The following LAMA5 variants were observed in gnomAD, a reference collection of about 807,000 sequenced individuals.
LAMA5 encodes laminin subunit alpha 5.
Under a neutral mutation model 433.4 loss-of-function variants are expected in LAMA5, and 260 were observed. The ratio of observed to expected loss-of-function variants is 0.60; its 90% CI spans 0.54 to 0.66. The LOEUF is 0.66. Among genes scored for constraint, LAMA5 ranks in the 30% least tolerant of loss-of-function variants. The pLI, the probability that LAMA5 is intolerant of heterozygous loss-of-function variation, is 0.00. For synonymous variants in LAMA5, 2,620 were observed against 2,226.6 expected (o/e 1.18, Z -4.97); for missense variants, 5,378 against 5,258.5 (o/e 1.02, Z -0.70).
At chr20:62,342,809 A>G (rs1301538448) in intron 11 of LAMA5, among the ~76,000 whole-genome samples, 1 of 152,268 alleles carries the variant, frequency 6.6e-6, no homozygotes, top group Non-Finnish European at 1.5e-5. Context: ...GGAGCATAAA[A>G]AAGTGTGGAT....
At chr20:62,311,825 T>TCCCCCCCCCCC in intron 70 of LAMA5, 41 bp from the exon 71 acceptor site, 1 of 308,312 alleles carries the variant, frequency 3.2e-6, no homozygotes, top group Non-Finnish European at 6.0e-6. Context: ...TTCCCCACCC[T>TCCCCCCCCCCC]GCCCACCCCC....
At chr20:62,321,582 GGGGT>G (rs1316216112) in intron 48 of LAMA5, among the ~76,000 whole-genome samples, 45 of 63,688 alleles carry the variant, frequency 7.1e-4, no homozygotes, top group Non-Finnish European at 1.2e-3. Flanking sequence ...GGCCTGTGGA[GGGGT>G]GGGGCCAGTG....
At chr20:62,358,617 C>T (rs1985590398) in intron 2 of LAMA5, among the ~76,000 whole-genome samples, 1 of 152,102 alleles carries the variant, frequency 6.6e-6, no homozygotes, top group Non-Finnish European at 1.5e-5. Context: ...GGGCCTCCGG[C>T]AGGTCCTCCT....
intron 5 of LAMA5, 22 bp downstream of exon 5, chr20:62,351,887 G>T: frequency 6.3e-7 from 1 of 1,575,082 alleles, no homozygotes; most frequent in South Asian, 1.2e-5. Flanking sequence ...CCCCTCCCCC[G>T]CCTGCGCCAT....
rs77850827 is a variant in LAMA5 at position 62,309,991 on chromosome 20, C to A, written c.10825G>T (p.Ala3609Ser). 426 of 1,610,386 alleles carry A rather than the reference C, an allele frequency of 2.6e-4. 1 individual carries two copies. The East Asian group carries it at 8.8e-3, about 33-fold the overall frequency. ...CTGGCCACAGGAGGGGCCTCACCCG[C>A]TAGCCGGTGCCACTGGCCATCACAC... ...VLCDGQWHRL[A>S]VMKSGNVLRL... The change falls in exon 78 of 80, where the codon GCG becomes TCG. Residue 3609 changes from alanine to serine, a missense_variant. Coordinates refer to ENST00000252999, the MANE Select transcript of LAMA5 (RefSeq NM_005560.6).
intron 7 of LAMA5, 45 bp from the exon 8 acceptor site, chr20:62,346,845 C>G (rs193147519): frequency 1.9e-6 from 3 of 1,606,508 alleles, no homozygotes; most frequent in African/African-American, 1.3e-5. Flanking sequence ...TCCACAGGCC[C>G]GGGCACCGGG....
Position 62,367,101 on chromosome 20 carries a change from AG to A in LAMA5, c.144del (p.Tyr49ThrfsTer37). 1 of 1,277,718 alleles carries A rather than the reference AG, an allele frequency of 7.8e-7. No homozygotes were observed. The allele number at this position is 1,277,718 out of a possible 1,614,324, so 79.1% of individuals were successfully genotyped here. ...EAGGGFSLHPPYFNLAEGARI... is the reference protein window; with the variant it reads ...EAGGGFSLHPXYFNLAEGARI... ...CGGGCGCCCTCGGCCAGGTTGAAGT[AG>A]GGCGGGTGCAGGCTGAAGCCGCCGC... is the stretch of plus-strand genomic sequence containing the variant. On this transcript the variant is annotated frameshift_variant, in exon 1 of 80. Transcript: ENST00000252999. LOFTEE classifies it high-confidence loss of function.
intron 44 of LAMA5, 49 bp downstream of exon 44, chr20:62,323,727 C>G (rs921645328): frequency 3.0e-5 from 48 of 1,596,962 alleles, no homozygotes; most frequent in Non-Finnish European, 4.1e-5. Context: ...CCTCGCATAT[C>G]CTGGGGTCAG....
chr20:62,315,023 C>G lies in LAMA5; in HGVS notation c.8047+5G>C, dbSNP rs188632992. 1 of 1,586,720 alleles carries G rather than the reference C, an allele frequency of 6.3e-7. No homozygotes were observed. Among genetic ancestry groups the G allele is most frequent in the Non-Finnish European group, 8.5e-7 (1 of 1,172,240 alleles). ...TCAGGGGCACCGCGAGGGCCATGGG[C>G]GCACCTGAGTGGCCTGCGTCAAGCA... On this transcript the variant is annotated splice_donor_5th_base_variant and intron_variant, in intron 59 of 79. Coordinates refer to ENST00000252999, the MANE Select transcript of LAMA5 (RefSeq NM_005560.6).
Position 62,318,992 on chromosome 20 carries a change from T to G in LAMA5, c.6893A>C (p.His2298Pro). The G allele has an allele frequency of 1.3e-6, 2 of 1,588,354 alleles. No individual in the cohort carries two copies. The highest frequency in any genetic ancestry group is 1.7e-6 in the Non-Finnish European group (2 of 1,169,806). Residue 2298 changes from histidine (H) to proline (P), a missense_variant, in exon 52 of 80, where the codon CAC (histidine) becomes CCC (proline). His to Pro is a moderately conservative substitution (Grantham distance 77, BLOSUM62 -2). Transcript: ENST00000252999. ...AGCCGAGGCATTGGCCAGCCCCAGG[T>G]GGCCCGTCTGGGACATGAGCTCTGT... ...TLSELMSQTGHLGLANASAPS... is the reference protein window; with the variant it reads ...TLSELMSQTGPLGLANASAPS...
At position 62,309,273 on chromosome 20, in the gene LAMA5, G is replaced by T. The variant is rs1025411619; in HGVS notation, c.*63C>A. On this transcript the variant is annotated 3_prime_UTR_variant, in exon 80 of 80. Transcript: ENST00000252999. ...GAGTCCAAATAGACACCTATGAGGC[G>T]AGCACAAGGGGCGGTGTGAGGCAGC... The T allele has an allele frequency of 1.1e-4, 174 of 1,534,122 alleles. 1 individual carries two copies. Among genetic ancestry groups the T allele is most frequent in the Non-Finnish European group, 1.5e-4 (165 of 1,135,578 alleles).
At position 62,359,743 on chromosome 20, in the gene LAMA5, G is replaced by A. The variant is rs1019919535; in HGVS notation, c.450+2657C>T. 1.3e-5 allele frequency among the ~76,000 whole-genome samples: 2 copies of A among 152,010 alleles called. No homozygotes were observed. The highest frequency in any genetic ancestry group is 2.9e-5 in the Non-Finnish European group (2 of 67,958). The stretch of plus-strand genomic sequence containing the variant: ...GGGCGCAGCGGGACCCAGGCCAGGA[G>A]CCCAGCTGGCACTCCCGGGGGCCCA... On this transcript the variant is annotated intron_variant, in intron 2 of 79. Coordinates refer to ENST00000252999, the MANE Select transcript of LAMA5 (RefSeq NM_005560.6). The surrounding 1 kb of genome is among the most constrained non-coding windows in gnomAD (Gnocchi z 4.3).
At chr20:62,320,431 C>A in intron 50 of LAMA5, 128 bp downstream of exon 50, 1 of 678,284 alleles carries the variant, frequency 1.5e-6, no homozygotes, top group Non-Finnish European at 2.5e-6. Flanking sequence ...CTAAGACTCT[C>A]GAGCTCCTGT....
chr20:62,352,363 G>A lies in LAMA5; in HGVS notation c.569-3C>T. ...CTCCAGACAGTCCCTCTTGGAGGCT[G>A]CGGGGAATGGCGGGAGGGGAGGGCG... On this transcript the variant is annotated splice_region_variant and splice_polypyrimidine_tract_variant and intron_variant, in intron 3 of 79. Coordinates refer to ENST00000252999, the MANE Select transcript of LAMA5 (RefSeq NM_005560.6). 6.3e-7 allele frequency: 1 copy of A among 1,593,762 alleles called. No individual in the cohort carries two copies. The highest frequency in any genetic ancestry group is 1.1e-5 in the South Asian group (1 of 90,810).
chr20:62,337,859 T>C lies in LAMA5; in HGVS notation c.1971A>G (p.Thr657=). The C allele has an allele frequency of 6.2e-7, 1 of 1,612,692 alleles. No individual in the cohort carries two copies. The highest frequency in any genetic ancestry group is 8.5e-7 in the Non-Finnish European group (1 of 1,179,930). Residue 657 remains threonine (T), a synonymous_variant, in exon 15 of 80, where the codon ACA becomes ACG. Transcript: ENST00000252999. ...GGCTGCATTCCTGGCAGGCAGTGCC[T>C]GTGTAGCCGGGGCGGCAGCGGCACA... ...GGLCRCRPGY[T]GTACQECSPG...
chr20:62,346,130 C>T lies in LAMA5; in HGVS notation c.1368G>A (p.Glu456=), dbSNP rs1983325105. The T allele has an allele frequency of 2.5e-6, 4 of 1,612,986 alleles. No individual in the cohort carries two copies. The highest frequency in any genetic ancestry group is 1.7e-5 in the Admixed American group (1 of 60,004). ...AGCCCTCGGCACACACGTCACACCG[C>T]TCCCCAGAGAAGTTGGGCCGGCAGT... The part of the protein sequence containing the change: ...RCYCRPNFSG[E]RCDVCAEGFT... The change falls in exon 10 of 80, where the codon GAG becomes GAA. Residue 456 remains glutamate, a synonymous_variant. Coordinates refer to ENST00000252999, the MANE Select transcript of LAMA5 (RefSeq NM_005560.6).
chr20:62,340,302 TTTG>T (rs1982379814), intron 11 of LAMA5, among the ~76,000 whole-genome samples: 1 of 92,616 alleles, frequency 1.1e-5, no homozygotes, highest in Non-Finnish European at 2.5e-5. Flanking sequence ...ACAAGCCTCC[TTTG>T]TTTTTTTTTT....
At position 62,310,945 on chromosome 20, in the gene LAMA5, C is replaced by T. The variant is rs150860855; in HGVS notation, c.10238G>A (p.Arg3413His). ...AQMEGLGTRLRAQSRQRSRPG... is the reference protein window; with the variant it reads ...AQMEGLGTRLHAQSRQRSRPG... ...CCGGGAGCGCTGGCGGCTCTGGGCGCGGAGCCGAGTCCCGAGGCCTTCCAT... is the reference window on the plus strand; with the variant it reads ...CCGGGAGCGCTGGCGGCTCTGGGCGTGGAGCCGAGTCCCGAGGCCTTCCAT... The change falls in exon 74 of 80, where the codon CGC becomes CAC. Residue 3413 changes from arginine (R) to histidine (H), a missense_variant. Arg to His is a conservative substitution (Grantham distance 29). Coordinates refer to ENST00000252999, the MANE Select transcript of LAMA5 (RefSeq NM_005560.6). 2.5e-4 allele frequency: 397 copies of T among 1,611,160 alleles called. No individual in the cohort carries two copies. In the African/African-American group the frequency reaches 3.9e-3, roughly 16 times the overall value.
intron 2 of LAMA5, 109 bp downstream of exon 2, chr20:62,362,291 A>C (rs1012787880): frequency 1.8e-6 from 2 of 1,128,376 alleles, no homozygotes; most frequent in South Asian, 2.7e-5. Context: ...CCCAGGCCCC[A>C]GGTCTCGCTC....
Sources: gnomAD v4.1 joint callset for allele counts (sites outside exome capture counted in the v4.1 genomes callset) on GRCh38, gnomAD v4.1.1 for gene constraint, Gnocchi (gnomAD v3.1) non-coding constraint, MANE v1.5 for transcripts, NCBI Gene and HGNC (gene_info 2026-07-23, HGNC 2026-07-21) for gene names.